Variants in SPATA6 observed in about 807,000 individuals in gnomAD.
SPATA6 encodes the protein spermatogenesis-associated protein 6.
SPATA6 carries 56 observed loss-of-function variants against 65.3 expected under a neutral mutation model. The observed-to-expected ratio is 0.86, with a 90% CI of 0.69 to 1.07. The LOEUF is 1.07. Among genes scored for constraint, SPATA6 ranks in the 50% least tolerant of loss-of-function variants. The pLI, the probability that SPATA6 is intolerant of heterozygous loss-of-function variation, is 0.00. For missense variants in SPATA6, 590 were observed against 594.8 expected (o/e 0.99, Z 0.08); for synonymous variants, 199 against 213.2 (o/e 0.93, Z 0.58).
intron 10 of SPATA6, 49 bp downstream of exon 10, chr1:48,359,537 T>C: frequency 6.4e-7 from 1 of 1,557,856 alleles, no homozygotes; most frequent in Non-Finnish European, 8.7e-7. Flanking sequence ...CCCCTTCTAA[T>C]ACTTATTATT....
At chr1:48,265,466 T>C in the SPATA6 span, among the ~76,000 whole-genome samples, 1 of 152,092 alleles carries the variant, frequency 6.6e-6, no homozygotes, top group East Asian at 1.9e-4. Context: ...ACATGGAATC[T>C]AGAGCCAAGC....
At chr1:48,443,780 C>A (rs146790817) in intron 3 of SPATA6, among the ~76,000 whole-genome samples, 26 of 152,328 alleles carry the variant, frequency 1.7e-4, no homozygotes, top group African/African-American at 5.3e-4. Flanking sequence ...TTTCTAGGTC[C>A]CGTGACAGCC....
In SPATA6 at chr1:48,296,181, A is replaced by G. The variant is rs1644810017; in HGVS notation, c.*2532T>C. ...AGGAAAAAAAAAAGGCTAAGAGAAT[A>G]AACAACTGCACCTTTCTGCTCCTGT... On this transcript the variant is annotated 3_prime_UTR_variant, in exon 13 of 13. Transcript: ENST00000371847. 6.6e-6 allele frequency: 1 copy of G among 152,086 alleles called. No individual in the cohort carries two copies. The highest frequency in any genetic ancestry group is 2.4e-5 in the African/African-American group (1 of 41,448). 9.4% of individuals were successfully genotyped at this position (152,086 alleles called of 1,614,324 possible). A position where few individuals can be genotyped will look rare whatever the true frequency, so the allele number is the denominator to read the frequency against.
chr1:48,450,028 CATT>C (rs951540812), intron 3 of SPATA6, among the ~76,000 whole-genome samples: 2 of 151,590 alleles, frequency 1.3e-5, no homozygotes, highest in Non-Finnish European at 2.9e-5. Flanking sequence ...TAAACTCGCT[CATT>C]TTTTTTTTAA....
chr1:48,470,888 A>C (rs1658186934), intron 1 of SPATA6, among the ~76,000 whole-genome samples: 1 of 152,126 alleles, frequency 6.6e-6, no homozygotes, highest in Non-Finnish European at 1.5e-5. Context: ...ATACATAAGA[A>C]GACTTACTGA....
At chr1:48,466,122 CAAT>C (rs1389252800) in intron 1 of SPATA6, among the ~76,000 whole-genome samples, 1 of 151,884 alleles carries the variant, frequency 6.6e-6, no homozygotes, top group East Asian at 1.9e-4. Context: ...ACAACAGACA[CAAT>C]GATACTAGGA....
At chr1:48,270,461 C>A in the SPATA6 span, among the ~76,000 whole-genome samples, 99 of 152,112 alleles carry the variant, frequency 6.5e-4, no homozygotes, top group East Asian at 0.016. Flanking sequence ...AGTTGAGAGG[C>A]AGAGTTGGGT....
At chr1:48,328,355 T>A (rs1043076229) in intron 11 of SPATA6, among the ~76,000 whole-genome samples, 1 of 152,106 alleles carries the variant, frequency 6.6e-6, no homozygotes, top group Non-Finnish European at 1.5e-5. Context: ...CCAAACTAAA[T>A]GATCCATCCA....
intron 11 of SPATA6, among the ~76,000 whole-genome samples, chr1:48,323,278 T>G (rs1484612870): frequency 6.6e-6 from 1 of 152,012 alleles, no homozygotes; most frequent in Non-Finnish European, 1.5e-5. Flanking sequence ...GGGACAGGGA[T>G]GAAACTGGAA....
At chr1:48,398,836 G>T (rs1454900416) in intron 7 of SPATA6, among the ~76,000 whole-genome samples, 2 of 151,694 alleles carry the variant, frequency 1.3e-5, no homozygotes, top group African/African-American at 4.8e-5. Flanking sequence ...ACCCTTAAAT[G>T]AACTTTTTTC....
chr1:48,399,760 G>C (rs1404087729), intron 6 of SPATA6, 116 bp from the exon 7 acceptor site: 4 of 880,198 alleles, frequency 4.5e-6, no homozygotes, highest in Admixed American at 5.8e-5. Context: ...AAGCCAACTA[G>C]ATCAGTCCTT....
intron 3 of SPATA6, among the ~76,000 whole-genome samples, chr1:48,434,995 A>G (rs1654761364): frequency 6.6e-6 from 1 of 150,638 alleles, no homozygotes; most frequent in Admixed American, 6.6e-5. Flanking sequence ...TAATTATATA[A>G]CTAATTTATT....
Position 48,399,348 on chromosome 1 carries a change from T to G in SPATA6, c.780+3A>C, listed in dbSNP as rs1650919901. 4 of 1,611,026 alleles carry G rather than the reference T, an allele frequency of 2.5e-6. No homozygotes were observed. Among genetic ancestry groups the G allele is most frequent in the African/African-American group, 1.3e-5 (1 of 74,732 alleles). ...AAATAGAAATGCTTAAGAGAACACATACATGTCTAATCACAAATGGAGGTT... is the reference window on the plus strand; with the variant it reads ...AAATAGAAATGCTTAAGAGAACACAGACATGTCTAATCACAAATGGAGGTT... On this transcript the variant is annotated splice_donor_region_variant and intron_variant, in intron 7 of 12. Coordinates refer to ENST00000371847, the MANE Select transcript of SPATA6 (RefSeq NM_019073.4).
chr1:48,309,572 G>T (rs1403924657), intron 11 of SPATA6, among the ~76,000 whole-genome samples: 1 of 151,856 alleles, frequency 6.6e-6, no homozygotes, highest in Non-Finnish European at 1.5e-5. Flanking sequence ...GCTTTCTTTT[G>T]GTTCTTTGAA....
At chr1:48,435,089 T>C (rs905660669) in intron 3 of SPATA6, among the ~76,000 whole-genome samples, 1 of 152,012 alleles carries the variant, frequency 6.6e-6, no homozygotes, top group Non-Finnish European at 1.5e-5. Flanking sequence ...GAGGGGCATA[T>C]AGGGTATGAA....
chr1:48,452,744 C>A (rs1656690801), intron 2 of SPATA6, among the ~76,000 whole-genome samples: 1 of 152,084 alleles, frequency 6.6e-6, no homozygotes, highest in Non-Finnish European at 1.5e-5. Context: ...ATTTAGAAAT[C>A]AAGATTCTAT....
chr1:48,338,821 G>A (rs893787743), intron 11 of SPATA6, among the ~76,000 whole-genome samples: 1 of 152,030 alleles, frequency 6.6e-6, no homozygotes, highest in African/African-American at 2.4e-5. Flanking sequence ...ACAATTATAT[G>A]TTACTTAAAA....
chr1:48,285,043 C>A, the SPATA6 span, among the ~76,000 whole-genome samples: 1 of 152,188 alleles, frequency 6.6e-6, no homozygotes, highest in Non-Finnish European at 1.5e-5. Context: ...ACCCCTTCCC[C>A]CAGGTGCTCT....
the SPATA6 span, among the ~76,000 whole-genome samples, chr1:48,285,049 G>C: frequency 3.9e-5 from 6 of 152,176 alleles, no homozygotes; most frequent in African/African-American, 1.4e-4. Flanking sequence ...TCCCCCAGGT[G>C]CTCTGTCCCA....
Sources: gnomAD v4.1 joint callset for allele counts (sites outside exome capture counted in the v4.1 genomes callset) on GRCh38, gnomAD v4.1.1 for gene constraint, MANE v1.5 for transcripts, NCBI Gene and HGNC (gene_info 2026-07-23, HGNC 2026-07-21) for gene names.